OR2L13: variants seen among roughly 807,000 people sequenced by gnomAD.
OR2L13 encodes the protein olfactory receptor 2L13.
A neutral mutation model predicts 15.3 loss-of-function variants in OR2L13; 14 were observed. That is an observed-to-expected ratio of 0.91 (90% confidence interval 0.60 to 1.43). The LOEUF is 1.43. Among genes scored for constraint, OR2L13 ranks in the 40% most tolerant of loss-of-function variants. The probability of loss-of-function intolerance (pLI) is 0.00; values close to 1 mark genes in which losing one functional copy is unlikely to be tolerated. For synonymous variants in OR2L13, 152 were observed against 142.9 expected, an observed-to-expected ratio of 1.06 and a Z score of -0.45; for missense variants, 367 against 387.9, an observed-to-expected ratio of 0.95 and a Z score of 0.45.
the OR2L13 span, among the ~76,000 whole-genome samples, chr1:247,999,784 C>A: frequency 6.6e-6 from 1 of 152,098 alleles, no homozygotes; most frequent in Non-Finnish European, 1.5e-5. Context: ...GATTCAGGTA[C>A]AGACAGCTTG....
chr1:247,966,471 C>A, the OR2L13 span: 2 of 854,662 alleles, frequency 2.3e-6, no homozygotes, highest in Non-Finnish European at 3.5e-6. Flanking sequence ...AGAATTCAGG[C>A]TTCTTAAATC....
chr1:247,995,400 G>A, the OR2L13 span, among the ~76,000 whole-genome samples: 2 of 152,178 alleles, frequency 1.3e-5, no homozygotes, highest in African/African-American at 4.8e-5. Context: ...ATGCCCAGAT[G>A]TTGCACTTGA....
the OR2L13 span, among the ~76,000 whole-genome samples, chr1:247,944,678 C>A: frequency 1.3e-5 from 2 of 152,066 alleles, no homozygotes; most frequent in East Asian, 3.9e-4. Flanking sequence ...ATGGTGTATA[C>A]GTACCACAAT....
At chr1:248,022,372 T>C in the OR2L13 span, 1 of 1,614,222 alleles carries the variant, frequency 6.2e-7, no homozygotes, top group Non-Finnish European at 8.5e-7. Flanking sequence ...ATGTATGTGC[T>C]GATGATAACA....
chr1:247,942,658 T>TA, the OR2L13 span, among the ~76,000 whole-genome samples: 1 of 152,160 alleles, frequency 6.6e-6, no homozygotes, highest in South Asian at 2.1e-4. Context: ...CCAAAATTTT[T>TA]AAAAAATGTA....
the OR2L13 span, among the ~76,000 whole-genome samples, chr1:248,053,863 T>TGTCAGATG: frequency 1.8e-4 from 27 of 152,360 alleles, no homozygotes; most frequent in African/African-American, 5.5e-4. Flanking sequence ...ATTAGATCTT[T>TGTCAGATG]GTCAGATGGA....
chr1:248,003,787 G>A, the OR2L13 span: 1 of 1,613,804 alleles, frequency 6.2e-7, no homozygotes, highest in Non-Finnish European at 8.5e-7. Context: ...CCTATGGCCG[G>A]GTTCTCCTTG....
chr1:248,023,612 C>G, the OR2L13 span: 4 of 152,200 alleles, frequency 2.6e-5, no homozygotes, highest in African/African-American at 9.7e-5. Context: ...TCTACTTACT[C>G]TTCAAAATCA....
chr1:247,975,247 C>T, the OR2L13 span: 1 of 420,616 alleles, frequency 2.4e-6, no homozygotes, highest in Admixed American at 3.1e-5. Context: ...GTTGCTCAGC[C>T]AGGGCTGTGA....
the OR2L13 span, chr1:248,061,520 T>A: frequency 6.2e-7 from 1 of 1,613,832 alleles, no homozygotes; most frequent in African/African-American, 1.3e-5. Context: ...TACACCACCC[T>A]CACTCCAATG....
chr1:248,071,642 C>G, the OR2L13 span, among the ~76,000 whole-genome samples: 12 of 151,574 alleles, frequency 7.9e-5, no homozygotes, highest in South Asian at 2.1e-4. Flanking sequence ...TTAGGCAGGA[C>G]AAGGAAATAA....
chr1:248,021,097 T>C, the OR2L13 span, among the ~76,000 whole-genome samples: 1 of 152,134 alleles, frequency 6.6e-6, no homozygotes, highest in African/African-American at 2.4e-5. Context: ...CATTTAACTT[T>C]TCCATGCATT....
At chr1:247,986,492 C>T in the OR2L13 span, among the ~76,000 whole-genome samples, 13 of 152,084 alleles carry the variant, frequency 8.5e-5, no homozygotes, top group South Asian at 1.2e-3. Flanking sequence ...GGTACCAGTA[C>T]CATGCTGTTT....
chr1:247,978,735 G>A, the OR2L13 span, among the ~76,000 whole-genome samples: 2 of 152,078 alleles, frequency 1.3e-5, no homozygotes, highest in African/African-American at 4.8e-5. Flanking sequence ...CATTCTCAGG[G>A]AAAGCAGGGG....
chr1:248,072,620 G>C, the OR2L13 span, among the ~76,000 whole-genome samples: 1 of 152,192 alleles, frequency 6.6e-6, no homozygotes, highest in African/African-American at 2.4e-5. Flanking sequence ...AGCCAAAATT[G>C]ACAAATGGGA....
chr1:248,034,422 T>TAA, the OR2L13 span, among the ~76,000 whole-genome samples: 1 of 152,050 alleles, frequency 6.6e-6, no homozygotes, highest in African/African-American at 2.4e-5. Context: ...ATTTTGTCCT[T>TAA]AAAAAAACGT....
At chr1:247,986,445 G>C in the OR2L13 span, among the ~76,000 whole-genome samples, 3 of 152,056 alleles carry the variant, frequency 2.0e-5, no homozygotes, top group South Asian at 4.2e-4. Flanking sequence ...TATTTCTGTG[G>C]GCTCTGTTCT....
the OR2L13 span, chr1:248,004,183 G>T: frequency 1.2e-6 from 1 of 819,316 alleles, no homozygotes; most frequent in Non-Finnish European, 1.7e-6. Context: ...ATCAACAGAA[G>T]AAAAAAAAAT....
chr1:247,967,110 T>C, the OR2L13 span, among the ~76,000 whole-genome samples: 1 of 150,818 alleles, frequency 6.6e-6, no homozygotes, highest in East Asian at 1.9e-4. Context: ...GACAAGTTCC[T>C]TTAAGGGGGA....
Sources: gnomAD v4.1 joint callset for allele counts (sites outside exome capture counted in the v4.1 genomes callset) on GRCh38, gnomAD v4.1.1 for gene constraint, MANE v1.5 for transcripts, NCBI Gene and HGNC (gene_info 2026-07-23, HGNC 2026-07-21) for gene names.